Variants in ITGA1 observed in about 807,000 individuals in gnomAD.
The protein encoded by ITGA1 is integrin alpha-1.
A neutral mutation model predicts 145.9 loss-of-function variants in ITGA1; 85 were observed. The ratio of observed to expected loss-of-function variants is 0.58; its 90% CI spans 0.49 to 0.70. ITGA1 has a LOEUF of 0.70. Among genes scored for constraint, ITGA1 ranks in the 30% least tolerant of loss-of-function variants. The probability of loss-of-function intolerance (pLI) is 0.00; values close to 1 mark genes in which losing one functional copy is unlikely to be tolerated. For missense variants in ITGA1, 1,351 were observed against 1,418.7 expected (o/e 0.95, Z 0.77); for synonymous variants, 520 against 495.3 (o/e 1.05, Z -0.66).
At chr5:52,886,383 T>G (rs1467712988) in intron 7 of ITGA1, among the ~76,000 whole-genome samples, 1 of 152,220 alleles carries the variant, frequency 6.6e-6, no homozygotes, top group Non-Finnish European at 1.5e-5. Flanking sequence ...CTTAAAGATA[T>G]CAGTTATGGT....
At chr5:52,858,582 TA>T (rs1278584788) in intron 2 of ITGA1, among the ~76,000 whole-genome samples, 4 of 152,234 alleles carry the variant, frequency 2.6e-5, no homozygotes, top group Admixed American at 2.6e-4. Flanking sequence ...AGCCTCAAAT[TA>T]AATACTTTCT....
intron 14 of ITGA1, among the ~76,000 whole-genome samples, chr5:52,912,012 CTATATGTATAGTGTGTATCTACTATATAT>C (rs1561246782): frequency 3.2e-5 from 4 of 123,166 alleles, no homozygotes; most frequent in African/African-American, 6.2e-5. Context: ...ACTATATATA[CTATATGTATAGTGTGTATCTACTATATAT>C]ACTATATATG....
intron 6 of ITGA1, among the ~76,000 whole-genome samples, chr5:52,878,850 C>T (rs192124824): frequency 2.4e-4 from 37 of 151,578 alleles, no homozygotes; most frequent in Admixed American, 9.9e-4. Context: ...GGATTTAACC[C>T]GAGTTGGAAG....
At chr5:52,922,645 T>A in intron 17 of ITGA1, 132 bp from the exon 18 acceptor site, 2 of 649,456 alleles carry the variant, frequency 3.1e-6, no homozygotes, top group South Asian at 1.8e-5. Flanking sequence ...CCTGATGAGA[T>A]CATATGTCAG....
intron 1 of ITGA1, among the ~76,000 whole-genome samples, chr5:52,808,945 C>A (rs1186283017): frequency 1.3e-5 from 2 of 151,982 alleles, no homozygotes; most frequent in African/African-American, 4.8e-5. Context: ...GTCACCTATT[C>A]ATATTGAGTC....
At chr5:52,841,280 C>A (rs972708254) in intron 1 of ITGA1, among the ~76,000 whole-genome samples, 3 of 152,146 alleles carry the variant, frequency 2.0e-5, no homozygotes, top group African/African-American at 7.2e-5. Context: ...TTATTTTTTA[C>A]ATCAAATATA....
At chr5:52,804,788 C>G (rs1014323405) in intron 1 of ITGA1, among the ~76,000 whole-genome samples, 1 of 152,062 alleles carries the variant, frequency 6.6e-6, no homozygotes, top group Non-Finnish European at 1.5e-5. Flanking sequence ...TGTGGTTTTC[C>G]AAGCAAGTTA....
rs74971263 is a variant in ITGA1 at position 52,818,198 on chromosome 5, C to T, written c.61+29784C>T. On this transcript the variant is annotated intron_variant, in intron 1 of 28. Coordinates refer to ENST00000282588, the MANE Select transcript of ITGA1 (RefSeq NM_181501.2). ...CAATTACATAAACACAACTGTAGTA[C>T]ATACATCTATTCTTTTAGCATCAAG... Among the ~76,000 whole-genome samples the T allele has an allele frequency of 6.7e-3, 1,018 of 152,148 alleles. 12 individuals are homozygous for T. The highest frequency in any genetic ancestry group is 0.023 in the African/African-American group (968 of 41,510).
rs1751038756 is a variant in ITGA1 at position 52,940,462 on chromosome 5, G to C, written c.3285+518G>C. 2.7e-5 allele frequency among the ~76,000 whole-genome samples: 4 copies of C among 148,032 alleles called. No individual in the cohort carries two copies. The South Asian group carries it at 8.6e-4, about 32-fold the overall frequency. On this transcript the variant is annotated intron_variant, in intron 26 of 28. Transcript: ENST00000282588. Reference sequence around the variant, plus strand: ...GTCTCTCTGTCGCCCAGGCTGGAGTGCAGTGGCACGATCTCAGCTCACTGC... The same window carrying C: ...GTCTCTCTGTCGCCCAGGCTGGAGTCCAGTGGCACGATCTCAGCTCACTGC...
At chr5:52,836,252 T>A (rs953956732) in intron 1 of ITGA1, among the ~76,000 whole-genome samples, 9 of 152,186 alleles carry the variant, frequency 5.9e-5, no homozygotes, top group African/African-American at 1.9e-4. Flanking sequence ...ATGGTGAGGA[T>A]TATTTGCACA....
intron 1 of ITGA1, among the ~76,000 whole-genome samples, chr5:52,846,196 T>A (rs769029065): frequency 2.6e-5 from 4 of 152,088 alleles, no homozygotes; most frequent in Non-Finnish European, 5.9e-5. Flanking sequence ...AGGCCAGCAG[T>A]TTGAGACCAG....
chr5:52,861,664 A>G (rs1749606618), intron 3 of ITGA1, 105 bp downstream of exon 3: 1 of 698,124 alleles, frequency 1.4e-6, no homozygotes. Context: ...TGAGCCCAGG[A>G]GTTTGAGACC....
At chr5:52,930,133 A>C (rs952753935) in intron 21 of ITGA1, among the ~76,000 whole-genome samples, 1 of 152,144 alleles carries the variant, frequency 6.6e-6, no homozygotes, top group African/African-American at 2.4e-5. Flanking sequence ...GTACTTCTGA[A>C]AGGTATCATA....
Position 52,953,582 on chromosome 5 carries a change from T to C in ITGA1, c.*1131T>C, listed in dbSNP as rs1751261804. On this transcript the variant is annotated 3_prime_UTR_variant, in exon 29 of 29. Coordinates refer to ENST00000282588, the MANE Select transcript of ITGA1 (RefSeq NM_181501.2). ...CTGCTTTTTAGGTGTGTTGCATCAATATTTAAATAAAATCCCAGAAATGTA... is the reference window on the plus strand; with the variant it reads ...CTGCTTTTTAGGTGTGTTGCATCAACATTTAAATAAAATCCCAGAAATGTA... 1.3e-5 allele frequency: 2 copies of C among 152,260 alleles called. No homozygotes were observed. The highest frequency in any genetic ancestry group is 2.1e-4 in the South Asian group (1 of 4,838). 9.4% of individuals were successfully genotyped at this position (152,260 alleles called of 1,614,324 possible). A position where few individuals can be genotyped will look rare whatever the true frequency, so the allele number is the denominator to read the frequency against.
intron 1 of ITGA1, among the ~76,000 whole-genome samples, chr5:52,845,464 T>C (rs369735885): frequency 1.6e-4 from 24 of 152,290 alleles, no homozygotes; most frequent in African/African-American, 5.8e-4. Flanking sequence ...GGATAGGGCC[T>C]GAGGTTCTGC....
intron 2 of ITGA1, among the ~76,000 whole-genome samples, chr5:52,860,858 A>T (rs1259198138): frequency 6.6e-6 from 1 of 152,224 alleles, no homozygotes; most frequent in East Asian, 1.9e-4. Flanking sequence ...CTAAAAGGAA[A>T]GTAAGTGATT....
intron 6 of ITGA1, chr5:52,867,216 A>C (rs1432021967): frequency 6.6e-6 from 1 of 152,022 alleles, no homozygotes; most frequent in African/African-American, 2.4e-5. Context: ...TGTATATATA[A>C]TTTTCTAAAA....
chr5:52,806,072 A>C (rs1457168987), intron 1 of ITGA1, among the ~76,000 whole-genome samples: 1 of 152,086 alleles, frequency 6.6e-6, no homozygotes, highest in African/African-American at 2.4e-5. Context: ...ATTTTCTTCC[A>C]ATGGATGTCA....
intron 6 of ITGA1, among the ~76,000 whole-genome samples, chr5:52,876,174 C>T (rs1003362384): frequency 1.3e-5 from 2 of 152,162 alleles, no homozygotes; most frequent in Non-Finnish European, 2.9e-5. Flanking sequence ...AATTCTCATA[C>T]TTTATTTGAT....
Sources: allele counts gnomAD v4.1 joint callset (sites outside exome capture counted in the v4.1 genomes callset), GRCh38; gene constraint gnomAD v4.1.1; transcripts MANE v1.5; gene names NCBI Gene and HGNC (gene_info 2026-07-23, HGNC 2026-07-21).